Variants in MTA3 observed in about 807,000 individuals in gnomAD.
MTA3 encodes the protein metastasis associated 1 family member 3.
Under a neutral mutation model 83.5 loss-of-function variants are expected in MTA3, and 34 were observed. The ratio of observed to expected loss-of-function variants is 0.41; its 90% CI spans 0.31 to 0.54. The LOEUF is 0.54. Ranked by LOEUF, MTA3 falls within the 20% of genes least tolerant of loss-of-function variation. MTA3 has a pLI of 0.33. For synonymous variants in MTA3, 303 were observed against 252.7 expected (o/e 1.20, Z -1.89); for missense variants, 761 against 726.4 (o/e 1.05, Z -0.55).
intron 11 of MTA3, among the ~76,000 whole-genome samples, chr2:42,701,389 C>G (rs1290041746): frequency 7.0e-6 from 1 of 142,060 alleles, no homozygotes; most frequent in African/African-American, 2.7e-5. Flanking sequence ...GAACTCAAGA[C>G]CAGCCTGGGT....
intron 5 of MTA3, among the ~76,000 whole-genome samples, chr2:42,641,622 C>T (rs12712857): frequency 0.74 from 112,693 of 151,716 alleles, 42,087 homozygotes; most frequent in South Asian, 0.88. Context: ...CCGAGGTGGG[C>T]GGATCACGAG....
Position 42,644,108 on chromosome 2 carries a change from A to AT in MTA3, c.382-15dup. On this transcript the variant is annotated intron_variant, in intron 5 of 16. Coordinates refer to ENST00000405094, the MANE Select transcript of MTA3 (RefSeq NM_001330442.2). The stretch of plus-strand genomic sequence containing the variant: ...TAGAAGGAATTAAGTATACCTATGT[A>AT]TTTTGTCATATTTTTCAGGATACCT... 6.8e-7 allele frequency: 1 copy of AT among 1,464,868 alleles called. No homozygotes were observed. The highest frequency in any genetic ancestry group is 2.3e-5 in the East Asian group (1 of 43,408). 90.7% of individuals were successfully genotyped at this position (1,464,868 alleles called of 1,614,324 possible).
At chr2:42,718,810 A>G (rs1410777688) in intron 14 of MTA3, among the ~76,000 whole-genome samples, 178 bp from the exon 15 acceptor site, 2 of 152,152 alleles carry the variant, frequency 1.3e-5, no homozygotes, top group Non-Finnish European at 2.9e-5. Context: ...TGTAAATCCC[A>G]TTTAGAAATT....
At chr2:42,583,421 G>C (rs1342485355) in intron 3 of MTA3, among the ~76,000 whole-genome samples, 2 of 152,148 alleles carry the variant, frequency 1.3e-5, no homozygotes, top group African/African-American at 4.8e-5. Flanking sequence ...TTTTAGGGAG[G>C]ATTAATGGAG....
At chr2:42,647,155 T>TAAAAAAAAAACA (rs1688280093) in intron 6 of MTA3, among the ~76,000 whole-genome samples, 1 of 92,076 alleles carries the variant, frequency 1.1e-5, no homozygotes, top group Non-Finnish European at 2.0e-5. Context: ...AGACTCTGTC[T>TAAAAAAAAAACA]AAAAAAAAAA....
chr2:42,515,633 G>T (rs1006585802), intron 2 of MTA3, among the ~76,000 whole-genome samples: 4 of 151,698 alleles, frequency 2.6e-5, no homozygotes, highest in Non-Finnish European at 5.9e-5. Flanking sequence ...CTTCTGAGTA[G>T]CTGGGATTAC....
chr2:42,573,092 TTTTGTTTTCCTCCGATTTTCTAATGATGC>T (rs553350220), intron 2 of MTA3, among the ~76,000 whole-genome samples: 72 of 152,314 alleles, frequency 4.7e-4, no homozygotes, highest in Non-Finnish European at 8.8e-4. Flanking sequence ...TCTAATGATG[TTTTGTTTTCCTCCGATTTTCTAATGATGC>T]TTTGTTTTCC....
At chr2:42,513,434 G>T (rs981569710) in intron 2 of MTA3, among the ~76,000 whole-genome samples, 12 of 152,258 alleles carry the variant, frequency 7.9e-5, no homozygotes, top group Admixed American at 5.9e-4. Flanking sequence ...ACTAGGAGGT[G>T]CTGGGAAGAA....
chr2:42,615,963 GCCCACCTCAGCCT>G (rs1174054201), intron 4 of MTA3, among the ~76,000 whole-genome samples: 1 of 151,666 alleles, frequency 6.6e-6, no homozygotes, highest in Non-Finnish European at 1.5e-5. Context: ...CTCGTGATCT[GCCCACCTCAGCCT>G]CCCAAAGTGC....
intron 14 of MTA3, among the ~76,000 whole-genome samples, chr2:42,714,905 C>G (rs2104524144): frequency 6.6e-6 from 1 of 152,326 alleles, no homozygotes; most frequent in East Asian, 1.9e-4. Flanking sequence ...GGCGGTAATG[C>G]TCACCTGCTG....
At chr2:42,627,725 ATTTTT>A (rs869227831) in intron 4 of MTA3, among the ~76,000 whole-genome samples, 2 of 103,382 alleles carry the variant, frequency 1.9e-5, no homozygotes, top group East Asian at 2.9e-4. Flanking sequence ...GCCTGGCTAA[ATTTTT>A]TTTTTTTTTT....
At position 42,515,318 on chromosome 2, in the gene MTA3, C is replaced by G. The variant is rs147749329; in HGVS notation, c.-141+20064C>G. Among the ~76,000 whole-genome samples, 1,025 of 152,112 alleles carry G rather than the reference C, an allele frequency of 6.7e-3. 7 individuals are homozygous for G. Among genetic ancestry groups the G allele is most frequent in the African/African-American group, 0.023 (951 of 41,506 alleles). ...AGGTGATCTGCCCACCTCAGCCTCC[C>G]AAAGTGCTGGGAATACAGGTGTGAG... is the stretch of plus-strand genomic sequence containing the variant. On this transcript the variant is annotated intron_variant, in intron 2 of 17. Transcript: ENST00000405592.
At chr2:42,688,413 A>G (rs2104452087) in intron 9 of MTA3, among the ~76,000 whole-genome samples, 1 of 152,314 alleles carries the variant, frequency 6.6e-6, no homozygotes, top group East Asian at 1.9e-4. Context: ...AAAAGCCATT[A>G]TAATAGGTTT....
chr2:42,659,350 A>G (rs928418251), intron 7 of MTA3, among the ~76,000 whole-genome samples: 1 of 152,016 alleles, frequency 6.6e-6, no homozygotes, highest in African/African-American at 2.4e-5. Context: ...TATTGGGGGA[A>G]AAATGTAACT....
intron 2 of MTA3, among the ~76,000 whole-genome samples, chr2:42,517,129 G>A (rs921339385): frequency 6.6e-6 from 1 of 152,038 alleles, no homozygotes; most frequent in South Asian, 2.1e-4. Flanking sequence ...GTGTGGTGGT[G>A]CATGCCTGTA....
intron 16 of MTA3, among the ~76,000 whole-genome samples, chr2:42,750,659 A>T (rs7591304): frequency 3.9e-5 from 6 of 152,090 alleles, no homozygotes; most frequent in South Asian, 2.1e-4. Context: ...CTGCATTCTG[A>T]GAGCTTCATG....
At chr2:42,715,065 T>A (rs955951031) in intron 14 of MTA3, among the ~76,000 whole-genome samples, 14 of 152,222 alleles carry the variant, frequency 9.2e-5, no homozygotes, top group African/African-American at 3.4e-4. Flanking sequence ...AGGTTTTGAT[T>A]CCTTCTGGGT....
At chr2:42,720,818 C>T (rs1480018032) in intron 15 of MTA3, among the ~76,000 whole-genome samples, 1 of 151,468 alleles carries the variant, frequency 6.6e-6, no homozygotes, top group African/African-American at 2.4e-5. Context: ...TGTGGTGGTG[C>T]GTGCCTGTGG....
At chr2:42,581,441 C>G (rs1190548979) in intron 3 of MTA3, among the ~76,000 whole-genome samples, 2 of 145,736 alleles carry the variant, frequency 1.4e-5, no homozygotes, top group Non-Finnish European at 3.0e-5. Context: ...AGGATCATAG[C>G]TCACTGCAGC....
Sources: allele counts gnomAD v4.1 joint callset (sites outside exome capture counted in the v4.1 genomes callset), GRCh38; gene constraint gnomAD v4.1.1; transcripts MANE v1.5; gene names NCBI Gene and HGNC (gene_info 2026-07-23, HGNC 2026-07-21).